Variants in THSD7A observed in about 807,000 individuals in gnomAD.
THSD7A encodes thrombospondin type 1 domain containing 7A, also known as thrombospondin type-1 domain-containing protein 7A.
In THSD7A, 96 loss-of-function variants were observed where a neutral mutation model predicts 231.3. That is an observed-to-expected ratio of 0.41 (90% CI 0.35 to 0.49). The LOEUF (loss-of-function observed/expected upper bound fraction) is 0.49. Among genes scored for constraint, THSD7A ranks in the 20% least tolerant of loss-of-function variants. THSD7A has a pLI of 0.05. For synonymous variants in THSD7A, 940 were observed against 743.3 expected, an observed-to-expected ratio of 1.26 and a Z score of -4.30; for missense variants, 2,290 against 2,070.2, an observed-to-expected ratio of 1.11 and a Z score of -2.06.
intron 2 of THSD7A, among the ~76,000 whole-genome samples, chr7:11,599,168 A>G (rs1468709947): frequency 1.3e-5 from 2 of 152,222 alleles, no homozygotes; most frequent in African/African-American, 4.8e-5. Context: ...CAGGAGATCA[A>G]TTAGGGCGTC....
intron 24 of THSD7A, among the ~76,000 whole-genome samples, chr7:11,380,863 C>T (rs963528579): frequency 3.9e-5 from 6 of 152,018 alleles, no homozygotes; most frequent in Non-Finnish European, 7.4e-5. Flanking sequence ...GTACACTTTG[C>T]TGAATTGAAA....
intron 8 of THSD7A, among the ~76,000 whole-genome samples, chr7:11,470,740 G>A (rs1460256396): frequency 6.6e-6 from 1 of 151,678 alleles, no homozygotes. Flanking sequence ...TAGTAAATCA[G>A]TAAAGAAAAC....
At chr7:11,542,177 T>G (rs192880081) in intron 5 of THSD7A, among the ~76,000 whole-genome samples, 2 of 152,324 alleles carry the variant, frequency 1.3e-5, no homozygotes, top group East Asian at 3.9e-4. Flanking sequence ...CTCTGGAAAT[T>G]TGAATTAGGA....
intron 23 of THSD7A, among the ~76,000 whole-genome samples, chr7:11,397,499 G>A (rs1783233755): frequency 6.6e-6 from 1 of 152,158 alleles, no homozygotes; most frequent in African/African-American, 2.4e-5. Flanking sequence ...ACATAGGCAT[G>A]GGCAAAGACT....
intron 4 of THSD7A, among the ~76,000 whole-genome samples, chr7:11,566,967 G>GGGGGGGGGGGGCGGGC (rs1790363949): frequency 1.9e-5 from 2 of 105,686 alleles, no homozygotes; most frequent in African/African-American, 4.0e-5. Context: ...TGGGAGAGTG[G>GGGGGGGGGGGGCGGGC]GGGGGGGACT....
At chr7:11,709,793 C>T (rs1404565996) in intron 1 of THSD7A, among the ~76,000 whole-genome samples, 2 of 150,744 alleles carry the variant, frequency 1.3e-5, no homozygotes, top group Non-Finnish European at 3.0e-5. Flanking sequence ...GAGAATACAG[C>T]AAGTTTGTTT....
chr7:11,574,894 A>G (rs1274694880), intron 4 of THSD7A, among the ~76,000 whole-genome samples: 1 of 152,198 alleles, frequency 6.6e-6, no homozygotes. Flanking sequence ...TTTCTCTAGC[A>G]TAAAACTGGC....
At chr7:11,430,474 T>A (rs573534112) in intron 13 of THSD7A, among the ~76,000 whole-genome samples, 1 of 152,254 alleles carries the variant, frequency 6.6e-6, no homozygotes, top group African/African-American at 2.4e-5. Flanking sequence ...TATTTCTTTT[T>A]TGTTTTAGAG....
intron 6 of THSD7A, among the ~76,000 whole-genome samples, chr7:11,494,267 A>G (rs901155141): frequency 6.6e-6 from 1 of 152,010 alleles, no homozygotes; most frequent in Non-Finnish European, 1.5e-5. Flanking sequence ...CTTTGTCACT[A>G]AATACTTTGT....
At chr7:11,649,220 A>G (rs1014197553) in intron 1 of THSD7A, among the ~76,000 whole-genome samples, 9 of 152,002 alleles carry the variant, frequency 5.9e-5, no homozygotes, top group African/African-American at 2.2e-4. Flanking sequence ...CCTGCCAGCA[A>G]CCATGTGAGT....
intron 2 of THSD7A, among the ~76,000 whole-genome samples, chr7:11,633,924 A>G (rs1781743626): frequency 6.6e-6 from 1 of 152,092 alleles, no homozygotes; most frequent in Non-Finnish European, 1.5e-5. Context: ...TTGTTTCTGG[A>G]TTTAATAGAA....
intron 2 of THSD7A, among the ~76,000 whole-genome samples, chr7:11,627,308 C>T (rs1237177401): frequency 6.6e-6 from 1 of 151,810 alleles, no homozygotes; most frequent in Admixed American, 6.6e-5. Context: ...TAGTCATTCA[C>T]CTATTGTTAT....
rs558975929 is a variant in THSD7A, at chr7:11,537,217, C to T, written c.1822+4202G>A. Among the ~76,000 whole-genome samples, 9 of 152,220 alleles carry T rather than the reference C, an allele frequency of 5.9e-5. No individual in the cohort carries two copies. The South Asian group carries it at 1.9e-3, about 32-fold the overall frequency. ...TTATAGGCGGAAACATATCTTATTACAGAAGGAAGAAATTGGTGGTAAAAA... is the reference window on the plus strand; with the variant it reads ...TTATAGGCGGAAACATATCTTATTATAGAAGGAAGAAATTGGTGGTAAAAA... On this transcript the variant is annotated intron_variant, in intron 6 of 27. Transcript: ENST00000423059.
rs560868993 is a variant in THSD7A, at chr7:11,811,230, A to G, written c.190+20527T>C. Among the ~76,000 whole-genome samples, 7 of 152,312 alleles carry G rather than the reference A, an allele frequency of 4.6e-5. No individual in the cohort carries two copies. The South Asian group carries it at 1.4e-3, about 32-fold the overall frequency. ...ATTAACCGACAGAATTATCAAGCAC[A>G]CACACACACACGAAACAATGCCATG... is the stretch of plus-strand genomic sequence containing the variant. On this transcript the variant is annotated intron_variant, in intron 1 of 27. Coordinates refer to ENST00000423059, the MANE Select transcript of THSD7A (RefSeq NM_015204.3).
chr7:11,414,022 C>T (rs1164834495), intron 17 of THSD7A: 1 of 152,252 alleles, frequency 6.6e-6, no homozygotes, highest in Non-Finnish European at 1.5e-5. Flanking sequence ...TGAGTACTAA[C>T]TCCATCTTCC....
At chr7:11,625,675 A>G (rs1450590987) in intron 2 of THSD7A, among the ~76,000 whole-genome samples, 3 of 148,740 alleles carry the variant, frequency 2.0e-5, no homozygotes, top group Non-Finnish European at 4.5e-5. Context: ...AGCAGACTCT[A>G]AAAGAGTGAG....
intron 9 of THSD7A, among the ~76,000 whole-genome samples, chr7:11,468,306 C>T (rs1449891042): frequency 1.3e-5 from 2 of 151,418 alleles, no homozygotes; most frequent in East Asian, 1.9e-4. Flanking sequence ...ACAATTACCA[C>T]CTATAAGTGC....
chr7:11,572,458 A>G (rs1026051022), intron 4 of THSD7A, among the ~76,000 whole-genome samples: 11 of 152,108 alleles, frequency 7.2e-5, no homozygotes, highest in African/African-American at 1.4e-4. Context: ...TCATACTCGC[A>G]TATGTTCACT....
At chr7:11,639,460 G>A (rs1287132316) in intron 1 of THSD7A, among the ~76,000 whole-genome samples, 1 of 152,068 alleles carries the variant, frequency 6.6e-6, no homozygotes, top group Non-Finnish European at 1.5e-5. Context: ...ACAAGGTCAG[G>A]AGATCGAGAC....
Sources: allele counts gnomAD v4.1 joint callset (sites outside exome capture counted in the v4.1 genomes callset), GRCh38; gene constraint gnomAD v4.1.1; transcripts MANE v1.5; gene names NCBI Gene and HGNC (gene_info 2026-07-23, HGNC 2026-07-21).